The following RGS7 variants were observed in gnomAD, a reference collection of about 807,000 sequenced individuals.
RGS7 encodes regulator of G-protein signaling 7.
In RGS7, 27 loss-of-function variants were observed where a neutral mutation model predicts 81.1. That is an observed-to-expected ratio of 0.33 (90% CI 0.25 to 0.46). The LOEUF is 0.46. Ranked by LOEUF, RGS7 falls within the 20% of genes least tolerant of loss-of-function variation. The pLI, the probability that RGS7 is intolerant of heterozygous loss-of-function variation, is 1.00. For missense variants in RGS7, 396 were observed against 607.4 expected (o/e 0.65, Z 3.66); for synonymous variants, 208 against 207.7 (o/e 1.00, Z -0.01).
intron 3 of RGS7, among the ~76,000 whole-genome samples, chr1:241,039,577 T>TC (rs1395657861): frequency 1.6e-4 from 23 of 147,794 alleles, no homozygotes; most frequent in Non-Finnish European, 1.4e-4. Flanking sequence ...TTTTTTTTTT[T>TC]CCCCCTTGGC....
intron 6 of RGS7, among the ~76,000 whole-genome samples, chr1:240,892,784 A>C (rs1012669397): frequency 1.3e-5 from 2 of 151,950 alleles, no homozygotes; most frequent in African/African-American, 2.4e-5. Context: ...TCTGTCCATA[A>C]ATCTTTTTCA....
chr1:240,796,196 C>T (rs1284979668), intron 18 of RGS7, among the ~76,000 whole-genome samples: 1 of 152,184 alleles, frequency 6.6e-6, no homozygotes, highest in Non-Finnish European at 1.5e-5. Context: ...CATGTTACCA[C>T]TTATATATAA....
At chr1:241,243,664 A>T (rs1573318620) in intron 2 of RGS7, among the ~76,000 whole-genome samples, 1 of 152,220 alleles carries the variant, frequency 6.6e-6, no homozygotes, top group Non-Finnish European at 1.5e-5. Flanking sequence ...ACAGAGGGAT[A>T]AAGGAAATTT....
At position 241,186,573 on chromosome 1, in the gene RGS7, G is replaced by A. The variant is rs1404624403; in HGVS notation, c.79-87811C>T. ...GAGTTTTGCTCTTGTTGCCAGGCTG[G>A]ACTGCAATGGTGTGATCTCGGCTCA... is the stretch of plus-strand genomic sequence containing the variant. On this transcript the variant is annotated intron_variant, in intron 2 of 18. Coordinates refer to ENST00000440928, the MANE Select transcript of RGS7 (RefSeq NM_001364886.1). The A allele has an allele frequency of 3.0e-5, 6 of 202,880 alleles. No individual in the cohort carries two copies. The East Asian group carries it at 9.3e-4, about 32-fold the overall frequency. 12.6% of individuals were successfully genotyped at this position (202,880 alleles called of 1,614,324 possible).
chr1:241,160,100 G>A (rs898449155), intron 2 of RGS7, among the ~76,000 whole-genome samples: 124 of 111,434 alleles, frequency 1.1e-3, no homozygotes, highest in Non-Finnish European at 1.2e-3. Context: ...GACAGAGCGA[G>A]ACTCCATCTC....
intron 2 of RGS7, among the ~76,000 whole-genome samples, chr1:241,151,183 T>G (rs2068722993): frequency 6.6e-6 from 1 of 152,230 alleles, no homozygotes; most frequent in African/African-American, 2.4e-5. Flanking sequence ...ACCAGCCATC[T>G]AGGCATCCCT....
intron 5 of RGS7, among the ~76,000 whole-genome samples, chr1:240,932,594 C>T (rs867401381): frequency 1.5e-4 from 22 of 148,392 alleles, no homozygotes; most frequent in Non-Finnish European, 2.1e-4. Flanking sequence ...CTGCAAGCTC[C>T]GCCTCCCGGG....
At chr1:241,210,026 T>G (rs1573145695) in intron 2 of RGS7, among the ~76,000 whole-genome samples, 1 of 152,260 alleles carries the variant, frequency 6.6e-6, no homozygotes, top group East Asian at 1.9e-4. Context: ...TCTTAGAGAA[T>G]AGGGTCCAGA....
chr1:240,984,356 G>C (rs1348569275), intron 3 of RGS7, among the ~76,000 whole-genome samples: 13 of 152,092 alleles, frequency 8.5e-5, no homozygotes, highest in Admixed American at 3.9e-4. Flanking sequence ...GAAGGGAAAA[G>C]GTCTTAGTTC....
intron 2 of RGS7, among the ~76,000 whole-genome samples, chr1:241,103,615 TA>T (rs1403566465): frequency 7.2e-5 from 11 of 152,146 alleles, no homozygotes; most frequent in Admixed American, 7.2e-4. Flanking sequence ...CTCACGCCAG[TA>T]ATCTCAGCAC....
At chr1:241,225,907 T>C (rs576727389) in intron 2 of RGS7, among the ~76,000 whole-genome samples, 4 of 152,164 alleles carry the variant, frequency 2.6e-5, no homozygotes, top group Non-Finnish European at 5.9e-5. Flanking sequence ...TTAGCAGTGG[T>C]GAGAGTAAGA....
At chr1:240,845,556 A>G (rs1388307413) in intron 9 of RGS7, among the ~76,000 whole-genome samples, 1 of 151,986 alleles carries the variant, frequency 6.6e-6, no homozygotes, top group African/African-American at 2.4e-5. Context: ...TAGGGATTTG[A>G]CTCTTAACCA....
intron 2 of RGS7, among the ~76,000 whole-genome samples, chr1:241,354,552 C>T (rs564574152): frequency 4.6e-5 from 7 of 152,274 alleles, no homozygotes; most frequent in African/African-American, 1.4e-4. Flanking sequence ...TAGCAATATT[C>T]CCTCAAACAC....
At chr1:241,213,989 C>T (rs2074402633) in intron 2 of RGS7, among the ~76,000 whole-genome samples, 1 of 152,096 alleles carries the variant, frequency 6.6e-6, no homozygotes. Flanking sequence ...TGGTCTCAAA[C>T]TCCTGGACTC....
At chr1:241,206,830 C>G (rs1044812734) in intron 2 of RGS7, among the ~76,000 whole-genome samples, 4 of 152,094 alleles carry the variant, frequency 2.6e-5, no homozygotes, top group African/African-American at 9.7e-5. Flanking sequence ...CCAATTTAAC[C>G]TAATTCTTCA....
intron 2 of RGS7, among the ~76,000 whole-genome samples, chr1:241,125,466 T>G (rs1572796360): frequency 6.6e-6 from 1 of 151,224 alleles, no homozygotes; most frequent in East Asian, 2.0e-4. Flanking sequence ...GCTGAATTCA[T>G]CCTCCCTTTG....
intron 3 of RGS7, among the ~76,000 whole-genome samples, chr1:241,017,894 A>T: frequency 6.6e-6 from 1 of 151,758 alleles, no homozygotes; most frequent in East Asian, 1.9e-4. Context: ...AGTTATTTTA[A>T]GTTTCCTGTC....
chr1:241,309,610 C>A (rs1439660404), intron 2 of RGS7, among the ~76,000 whole-genome samples: 1 of 152,108 alleles, frequency 6.6e-6, no homozygotes, highest in East Asian at 1.9e-4. Flanking sequence ...ACAATAAAGT[C>A]ATCCTTTAAG....
chr1:241,283,584 T>C (rs961011019), intron 2 of RGS7, among the ~76,000 whole-genome samples: 1 of 152,190 alleles, frequency 6.6e-6, no homozygotes, highest in Non-Finnish European at 1.5e-5. Context: ...AGTTTAATTA[T>C]GGTTTGTTTG....
Sources: allele counts gnomAD v4.1 joint callset (sites outside exome capture counted in the v4.1 genomes callset), GRCh38; gene constraint gnomAD v4.1.1; transcripts MANE v1.5; gene names NCBI Gene and HGNC (gene_info 2026-07-23, HGNC 2026-07-21).